The following PCDHGC4 variants were observed in gnomAD, a reference collection of about 807,000 sequenced individuals.
PCDHGC4 encodes the protein protocadherin gamma subfamily C, 4.
In PCDHGC4, 15 loss-of-function variants were observed where a neutral mutation model predicts 59.7. The observed-to-expected ratio is 0.25, with a 90% CI of 0.17 to 0.39. PCDHGC4 has a LOEUF of 0.39. PCDHGC4 is among the 10% of genes least tolerant of loss of function. The probability of loss-of-function intolerance (pLI) is 1.00; values close to 1 mark genes in which losing one functional copy is unlikely to be tolerated. For synonymous variants in PCDHGC4, 434 were observed against 481.4 expected (o/e 0.90, Z 1.29); for missense variants, 1,016 against 1,189.5 (o/e 0.85, Z 2.15).
intron 3 of PCDHGC4, among the ~76,000 whole-genome samples, chr5:141,509,841 C>T (rs546036990): frequency 2.0e-5 from 3 of 152,326 alleles, no homozygotes; most frequent in African/African-American, 7.2e-5. Context: ...ACCTCCCATT[C>T]ACTCAGAACA....
rs192227219 is a variant in PCDHGC4 at position 141,501,899 on chromosome 5, A to G, written c.2502-3494A>G. Among the ~76,000 whole-genome samples the G allele has an allele frequency of 1.0e-3, 159 of 152,024 alleles. 1 individual carries two copies. The highest frequency in any genetic ancestry group is 6.8e-3 in the Middle Eastern group (2 of 294). ...TACACTCCTGATCATCATGGTTCCA[A>G]CCCCACTGTTCCACTCAGCTTTGTT... is the stretch of plus-strand genomic sequence containing the variant. On this transcript the variant is annotated intron_variant, in intron 2 of 3. Transcript: ENST00000306593.
In PCDHGC4 at chr5:141,489,514, C is replaced by T. The variant is rs141377711; in HGVS notation, c.2442+1899C>T. 63 of 1,613,926 alleles carry T rather than the reference C, an allele frequency of 3.9e-5. No homozygotes were observed. The highest frequency in any genetic ancestry group is 6.7e-5 in the Admixed American group (4 of 60,004). ...CCTGGCAGTGAATCAAAAGATTGAC[C>T]GAGAAAGCCTATGTGGAGCCAGCAC... On this transcript the variant is annotated intron_variant, in intron 1 of 3. Coordinates refer to ENST00000306593, the MANE Select transcript of PCDHGC4 (RefSeq NM_018928.3). This position sits in a 1 kb window ranked among gnomAD's most constrained non-coding sequence, Gnocchi z 4.5.
Position 141,487,686 on chromosome 5 carries a change from T to G in PCDHGC4, c.2442+71T>G, listed in dbSNP as rs778973495. The G allele has an allele frequency of 4.4e-6, 7 of 1,605,914 alleles. 1 individual carries two copies. The African/African-American group carries it at 9.4e-5, about 21-fold the overall frequency. On this transcript the variant is annotated intron_variant, in intron 1 of 3. Coordinates refer to ENST00000306593, the MANE Select transcript of PCDHGC4 (RefSeq NM_018928.3). The surrounding 1 kb of genome is among the most constrained non-coding windows in gnomAD (Gnocchi z 5.0). Reference sequence around the variant, plus strand: ...CCAGGCATATGGCTAGGCCATGTCCTAGAGAGTACTGGCCTCTCAGTAAGT... The same window carrying G: ...CCAGGCATATGGCTAGGCCATGTCCGAGAGAGTACTGGCCTCTCAGTAAGT...
At chr5:141,503,474 T>C (rs2099820145) in intron 2 of PCDHGC4, among the ~76,000 whole-genome samples, 1 of 151,828 alleles carries the variant, frequency 6.6e-6, no homozygotes, top group South Asian at 2.1e-4. Context: ...ATGTGTGCAC[T>C]TGTCGTCCCA....
chr5:141,506,847 T>C lies in PCDHGC4; in HGVS notation c.2590+1366T>C, dbSNP rs146737657. ...GAACTGATAGCCCTGCCCTCCAGCA[T>C]GTCTGGAGGACTGGTGGGTAGAGAA... On this transcript the variant is annotated intron_variant, in intron 3 of 3. Coordinates refer to ENST00000306593, the MANE Select transcript of PCDHGC4 (RefSeq NM_018928.3). 3.7e-3 allele frequency among the ~76,000 whole-genome samples: 564 copies of C among 152,318 alleles called. 5 individuals are homozygous for C. Among genetic ancestry groups the C allele is most frequent in the Admixed American group, 0.011 (164 of 15,302 alleles).
At position 141,487,791 on chromosome 5, in the gene PCDHGC4, C is replaced by T; in HGVS notation, c.2442+176C>T. ...CTTTGTAACTGTTTCGTGAATTAAC[C>T]AGAGTTGTCACAGTTTAGCATTGGG... On this transcript the variant is annotated intron_variant, in intron 1 of 3. Coordinates refer to ENST00000306593, the MANE Select transcript of PCDHGC4 (RefSeq NM_018928.3). This position sits in a 1 kb window ranked among gnomAD's most constrained non-coding sequence, Gnocchi z 5.0. 6.6e-7 allele frequency: 1 copy of T among 1,510,152 alleles called. No individual in the cohort carries two copies. The highest frequency in any genetic ancestry group is 1.4e-5 in the African/African-American group (1 of 72,206). The allele number at this position is 1,510,152 out of a possible 1,614,324, so 93.5% of individuals were successfully genotyped here. A position where few individuals can be genotyped will look rare whatever the true frequency, so the allele number is the denominator to read the frequency against.
chr5:141,485,609 G>T lies in PCDHGC4; in HGVS notation c.436G>T (p.Ala146Ser). Residue 146 changes from alanine (A) to serine (S), a missense_variant, in exon 1 of 4, where the codon GCT becomes TCT. Coordinates refer to ENST00000306593, the MANE Select transcript of PCDHGC4 (RefSeq NM_018928.3). The surrounding 1 kb of genome is among the most constrained non-coding windows in gnomAD (Gnocchi z 5.7). ...QQLDLEIGEA[A>S]PPGQRFPLEK... is the part of the protein sequence containing the mutation. ...GCTGGACTTGGAAATTGGGGAGGCA[G>T]CTCCTCCAGGACAGCGTTTCCCGTT... The T allele has an allele frequency of 6.2e-7, 1 of 1,612,256 alleles. No homozygotes were observed. Among genetic ancestry groups the T allele is most frequent in the Non-Finnish European group, 8.5e-7 (1 of 1,178,656 alleles).
In PCDHGC4 at chr5:141,486,049, C is replaced by T. The variant is rs766853468; in HGVS notation, c.876C>T (p.Leu292=). 1 of 1,614,206 alleles carries T rather than the reference C, an allele frequency of 6.2e-7. No homozygotes were observed. The highest frequency in any genetic ancestry group is 8.5e-7 in the Non-Finnish European group (1 of 1,180,034). ...SGHTPDRVRN[L]FSLHPTTGKL... ...ATACCCCTGATCGTGTAAGAAACCT[C>T]TTTAGCCTGCACCCCACTACTGGAA... The change falls in exon 1 of 4, where the codon CTC becomes CTT. Residue 292 remains leucine (L), a synonymous_variant. Transcript: ENST00000306593. The surrounding 1 kb of genome is among the most constrained non-coding windows in gnomAD (Gnocchi z 5.0).
chr5:141,485,466 T>C lies in PCDHGC4; in HGVS notation c.293T>C (p.Leu98Pro), dbSNP rs1485922901. ...ATCGACCGAGAGGCACTGTGTGGGC[T>C]CAGTGCCAGCTGCATCGTGCCCCTG... ...NPIDREALCG[L>P]SASCIVPLEF... Residue 98 changes from leucine to proline, a missense_variant, in exon 1 of 4, where the codon CTC becomes CCC. Transcript: ENST00000306593. The surrounding 1 kb of genome is among the most constrained non-coding windows in gnomAD (Gnocchi z 5.7). 6.2e-7 allele frequency: 1 copy of C among 1,613,868 alleles called. No individual in the cohort carries two copies. Among genetic ancestry groups the C allele is most frequent in the Non-Finnish European group, 8.5e-7 (1 of 1,179,924 alleles).
In PCDHGC4 at chr5:141,485,842, T is replaced by C; in HGVS notation, c.669T>C (p.Ser223=). ...TCGATGGAGGGAACCCGCCGAGATC[T>C]GGCACCGCAGAGCTCCGGGTATCCG... ...TAVDGGNPPR[S]GTAELRVSVL... The change falls in exon 1 of 4, where the codon TCT becomes TCC. Residue 223 remains serine (S), a synonymous_variant. Coordinates refer to ENST00000306593, the MANE Select transcript of PCDHGC4 (RefSeq NM_018928.3). This position sits in a 1 kb window ranked among gnomAD's most constrained non-coding sequence, Gnocchi z 5.7. 1 of 1,614,002 alleles carries C rather than the reference T, an allele frequency of 6.2e-7. No homozygotes were observed. Among genetic ancestry groups the C allele is most frequent in the Non-Finnish European group, 8.5e-7 (1 of 1,179,982 alleles).
chr5:141,506,737 C>T (rs893758261), intron 3 of PCDHGC4, among the ~76,000 whole-genome samples: 5 of 152,076 alleles, frequency 3.3e-5, no homozygotes, highest in African/African-American at 1.2e-4. Flanking sequence ...AGAATAATGC[C>T]TATTAATAAA....
At position 141,485,321 on chromosome 5, in the gene PCDHGC4, C is replaced by G. The variant is rs780179631; in HGVS notation, c.148C>G (p.Gln50Glu). The G allele has an allele frequency of 6.2e-7, 1 of 1,614,154 alleles. No homozygotes were observed. Among genetic ancestry groups the G allele is most frequent in the Non-Finnish European group, 8.5e-7 (1 of 1,180,024 alleles). Residue 50 changes from glutamine (Q) to glutamate (E), a missense_variant, in exon 1 of 4, where the codon CAA becomes GAA. Transcript: ENST00000306593. This position sits in a 1 kb window ranked among gnomAD's most constrained non-coding sequence, Gnocchi z 5.7. The stretch of plus-strand genomic sequence containing the variant: ...AGGGACTTTTGTAGGGAATGTCGCT[C>G]AAGATTTCCTGCTGGATACGGACAG... ...QEGTFVGNVA[Q>E]DFLLDTDSLS...
In PCDHGC4 at chr5:141,490,912, AATG is replaced by A; in HGVS notation, c.2442+3300_2442+3302del. 6.2e-7 allele frequency: 1 copy of A among 1,613,644 alleles called. No homozygotes were observed. Among genetic ancestry groups the A allele is most frequent in the Non-Finnish European group, 8.5e-7 (1 of 1,179,684 alleles). On this transcript the variant is annotated intron_variant, in intron 1 of 3. Transcript: ENST00000306593. This position sits in a 1 kb window ranked among gnomAD's most constrained non-coding sequence, Gnocchi z 5.4. ...TCTGCATGTGTTTGTCCTAGACGAG[AATG>A]ATAATGCCCCAGCTGTGCTGCACCC...
At chr5:141,505,081 G>A (rs2099843521) in intron 2 of PCDHGC4, among the ~76,000 whole-genome samples, 3 of 152,146 alleles carry the variant, frequency 2.0e-5, no homozygotes, top group Admixed American at 2.0e-4. Flanking sequence ...AGAATCGCTT[G>A]AACCCAGGAG....
At position 141,489,876 on chromosome 5, in the gene PCDHGC4, T is replaced by C. The variant is rs2099693265; in HGVS notation, c.2442+2261T>C. ...CCCAGGCAAGACATCAGCTGGTGCT[T>C]ACTGCTGTGGATGGGGGGACCCCAG... On this transcript the variant is annotated intron_variant, in intron 1 of 3. Transcript: ENST00000306593. This position sits in a 1 kb window ranked among gnomAD's most constrained non-coding sequence, Gnocchi z 4.5. The C allele has an allele frequency of 6.2e-7, 1 of 1,614,098 alleles. No homozygotes were observed. The highest frequency in any genetic ancestry group is 1.1e-5 in the South Asian group (1 of 91,094).
chr5:141,501,390 T>TCAC (rs1033806087), intron 2 of PCDHGC4, among the ~76,000 whole-genome samples: 4 of 151,794 alleles, frequency 2.6e-5, no homozygotes, highest in African/African-American at 9.7e-5. Flanking sequence ...CTAGGTCCTG[T>TCAC]CACAGGCCAC....
Position 141,491,273 on chromosome 5 carries a change from G to A in PCDHGC4, c.2443-3534G>A. ...GACCCTGAGGAAATGCCCAAATCCA[G>A]TGACTTCCTCATACACCCTCCTGAG... On this transcript the variant is annotated intron_variant, in intron 1 of 3. Coordinates refer to ENST00000306593, the MANE Select transcript of PCDHGC4 (RefSeq NM_018928.3). This position sits in a 1 kb window ranked among gnomAD's most constrained non-coding sequence, Gnocchi z 6.9. The A allele has an allele frequency of 6.2e-7, 1 of 1,614,182 alleles. No individual in the cohort carries two copies. Among genetic ancestry groups the A allele is most frequent in the South Asian group, 1.1e-5 (1 of 91,082 alleles).
rs2099884522 is a variant in PCDHGC4, at chr5:141,512,941, T to C, written c.*1768T>C. On this transcript the variant is annotated 3_prime_UTR_variant, in exon 4 of 4. Transcript: ENST00000306593. ...CTAATATTTATATGGCTTTTTTTCT[T>C]CGACAAAAAAATAATAAAACGTTTC... The C allele has an allele frequency of 6.6e-6, 1 of 151,892 alleles. No individual in the cohort carries two copies. The highest frequency in any genetic ancestry group is 6.6e-5 in the Admixed American group (1 of 15,236). The allele number at this position is 151,892 out of a possible 1,614,324, so 9.4% of individuals were successfully genotyped here.
rs567522277 is a variant in PCDHGC4, at chr5:141,485,131, A to G, written c.-43A>G. 1.3e-6 allele frequency: 2 copies of G among 1,482,660 alleles called. No individual in the cohort carries two copies. The highest frequency in any genetic ancestry group is 1.2e-5 in the South Asian group (1 of 83,730). 91.8% of individuals were successfully genotyped at this position (1,482,660 alleles called of 1,614,324 possible). ...TGGCTGTTTGGGGCGGGTCGGCTTC[A>G]TCCGCGTCTCAGGAGCAAGTAGAGA... On this transcript the variant is annotated 5_prime_UTR_variant, in exon 1 of 4. Transcript: ENST00000306593. The surrounding 1 kb of genome is among the most constrained non-coding windows in gnomAD (Gnocchi z 5.7).
Sources: gnomAD v4.1 joint callset for allele counts (sites outside exome capture counted in the v4.1 genomes callset) on GRCh38, gnomAD v4.1.1 for gene constraint, Gnocchi (gnomAD v3.1) non-coding constraint, MANE v1.5 for transcripts, NCBI Gene and HGNC (gene_info 2026-07-23, HGNC 2026-07-21) for gene names.